The following SLC25A30 variants were observed in gnomAD, a reference collection of about 807,000 sequenced individuals.
SLC25A30 encodes solute carrier family 25 member 30, also known as kidney mitochondrial carrier protein 1.
In SLC25A30, 29 loss-of-function variants were observed where a neutral mutation model predicts 42.7. The observed-to-expected ratio is 0.68, with a 90% confidence interval of 0.51 to 0.93. The LOEUF is 0.93. Ranked by LOEUF, SLC25A30 falls within the 40% of genes least tolerant of loss-of-function variation. The probability of loss-of-function intolerance (pLI) is 0.00; values close to 1 mark genes in which losing one functional copy is unlikely to be tolerated. For synonymous variants in SLC25A30, 124 were observed against 131.0 expected (o/e 0.95, Z 0.37); for missense variants, 300 against 359.7 (o/e 0.83, Z 1.34).
At chr13:45,424,124 T>C in the SLC25A30 span, among the ~76,000 whole-genome samples, 1 of 77,632 alleles carries the variant, frequency 1.3e-5, no homozygotes, top group African/African-American at 5.2e-5. Context: ...TAAATATATA[T>C]AAATATATAA....
chr13:45,423,432 C>A (rs1347317011), upstream of SLC25A30, among the ~76,000 whole-genome samples: 1 of 143,950 alleles, frequency 6.9e-6, no homozygotes, highest in East Asian at 2.0e-4. Context: ...TTTTTATGCC[C>A]AAGGGTTAGC....
Position 45,395,259 on chromosome 13 carries a change from T to A in SLC25A30, c.*715A>T. 5 of 985,632 alleles carry A rather than the reference T, an allele frequency of 5.1e-6. No individual in the cohort carries two copies. Among genetic ancestry groups the A allele is most frequent in the Non-Finnish European group, 6.0e-6 (5 of 830,082 alleles). 61.1% of individuals were successfully genotyped at this position (985,632 alleles called of 1,614,324 possible). On this transcript the variant is annotated 3_prime_UTR_variant, in exon 10 of 10. Coordinates refer to ENST00000519676, the MANE Select transcript of SLC25A30 (RefSeq NM_001010875.4). The stretch of plus-strand genomic sequence containing the variant: ...GACCTAAGACAGAACCTAAGCTGCT[T>A]GAAAACACCCCCCACCAATACAGAC...
chr13:45,406,101 G>C, intron 3 of SLC25A30, 124 bp from the exon 4 acceptor site: 1 of 640,582 alleles, frequency 1.6e-6, no homozygotes, highest in Non-Finnish European at 2.6e-6. Context: ...TTTTTTTTTT[G>C]AGACGGAGTT....
At chr13:45,423,272 T>C (rs995402574), upstream of SLC25A30, among the ~76,000 whole-genome samples, 1 of 151,870 alleles carries the variant, frequency 6.6e-6, no homozygotes, top group Non-Finnish European at 1.5e-5. Flanking sequence ...TAAAAAGTAC[T>C]TCTGCTTCCT....
intron 9 of SLC25A30, chr13:45,396,545 G>A: frequency 5.7e-6 from 1 of 174,436 alleles, no homozygotes; most frequent in Non-Finnish European, 1.2e-5. Flanking sequence ...AGGCCAAGGG[G>A]CAGGTCACTT....
chr13:45,400,396 T>A (rs755377620), intron 7 of SLC25A30, among the ~76,000 whole-genome samples: 1 of 152,112 alleles, frequency 6.6e-6, no homozygotes, highest in Non-Finnish European at 1.5e-5. Context: ...CACTCCAGCC[T>A]GGGTAACAGT....
In SLC25A30 at chr13:45,393,563, C is replaced by T. The variant is rs1566196668; in HGVS notation, c.*2411G>A. The T allele has an allele frequency of 4.1e-6, 4 of 985,168 alleles. No individual in the cohort carries two copies. Among genetic ancestry groups the T allele is most frequent in the Non-Finnish European group, 4.8e-6 (4 of 829,886 alleles). The allele number at this position is 985,168 out of a possible 1,614,324, so 61.0% of individuals were successfully genotyped here. On this transcript the variant is annotated 3_prime_UTR_variant, in exon 10 of 10. Transcript: ENST00000519676. The stretch of plus-strand genomic sequence containing the variant: ...ATCCATAAGCACACAAACAAAAAAA[C>T]CCATTGGTTATAAAAACTAGAATTC...
chr13:45,395,442 C>T lies in SLC25A30; in HGVS notation c.*532G>A. On this transcript the variant is annotated 3_prime_UTR_variant, in exon 10 of 10. Coordinates refer to ENST00000519676, the MANE Select transcript of SLC25A30 (RefSeq NM_001010875.4). ...GGAAATGATAAAGCAGTGTGATATT[C>T]CTAGGATCCATTTCCTGCACCGTTT... 2.0e-6 allele frequency: 2 copies of T among 988,456 alleles called. No homozygotes were observed. The highest frequency in any genetic ancestry group is 2.4e-6 in the Non-Finnish European group (2 of 831,648). 61.2% of individuals were successfully genotyped at this position (988,456 alleles called of 1,614,324 possible). A position where few individuals can be genotyped will look rare whatever the true frequency, so the allele number is the denominator to read the frequency against.
chr13:45,424,503 A>G, the SLC25A30 span, among the ~76,000 whole-genome samples: 1 of 40,304 alleles, frequency 2.5e-5, no homozygotes, highest in South Asian at 5.9e-4. Flanking sequence ...ATAAATATAT[A>G]AAAATATATA....
intron 2 of SLC25A30, among the ~76,000 whole-genome samples, chr13:45,409,583 C>T (rs530152602): frequency 5.3e-5 from 8 of 152,074 alleles, no homozygotes; most frequent in Non-Finnish European, 8.8e-5. Flanking sequence ...CTGAGGTGGG[C>T]GGATCACCTG....
At chr13:45,426,358 T>C in the SLC25A30 span, among the ~76,000 whole-genome samples, 1 of 152,182 alleles carries the variant, frequency 6.6e-6, no homozygotes, top group Non-Finnish European at 1.5e-5. Flanking sequence ...GTGCTGGGAT[T>C]ACAGGCATGA....
intron 8 of SLC25A30, chr13:45,398,145 C>A: frequency 1.5e-6 from 1 of 673,776 alleles, no homozygotes; most frequent in Non-Finnish European, 1.8e-6. Flanking sequence ...AAAGAAATCA[C>A]GTTCTTTGCA....
intron 9 of SLC25A30, chr13:45,396,235 G>A: frequency 7.1e-7 from 1 of 1,409,450 alleles, no homozygotes; most frequent in Non-Finnish European, 9.2e-7. Flanking sequence ...TAAATCCCCT[G>A]GTATCAGCCT....
chr13:45,431,126 C>A, the SLC25A30 span, among the ~76,000 whole-genome samples: 1 of 152,164 alleles, frequency 6.6e-6, no homozygotes, highest in Non-Finnish European at 1.5e-5. Flanking sequence ...TGGCTCACCG[C>A]AACCTCTGCC....
chr13:45,394,897 C>T lies in SLC25A30; in HGVS notation c.*1077G>A, dbSNP rs895992559. 29 of 985,274 alleles carry T rather than the reference C, an allele frequency of 2.9e-5. No homozygotes were observed. The highest frequency in any genetic ancestry group is 3.4e-5 in the Non-Finnish European group (28 of 829,914). The allele number at this position is 985,274 out of a possible 1,614,324, so 61.0% of individuals were successfully genotyped here. On this transcript the variant is annotated 3_prime_UTR_variant, in exon 10 of 10. Coordinates refer to ENST00000519676, the MANE Select transcript of SLC25A30 (RefSeq NM_001010875.4). ...ATAAACTAAAGTAAAAACTGGAAAC[C>T]TGGAAAAATCAACTCTTTGATTCAC...
the SLC25A30 span, among the ~76,000 whole-genome samples, chr13:45,432,140 C>T: frequency 1.3e-5 from 2 of 151,670 alleles, no homozygotes; most frequent in South Asian, 2.1e-4. Context: ...CATGGTAGTG[C>T]GCACCTGTAA....
At chr13:45,429,511 G>T in the SLC25A30 span, among the ~76,000 whole-genome samples, 1 of 152,014 alleles carries the variant, frequency 6.6e-6, no homozygotes, top group Admixed American at 6.6e-5. Context: ...ATGGGGAAAG[G>T]AATTCTCAAG....
At chr13:45,396,170 C>A in intron 9 of SLC25A30, 155 bp from the exon 10 acceptor site, 1 of 1,514,644 alleles carries the variant, frequency 6.6e-7, no homozygotes, top group Non-Finnish European at 8.8e-7. Context: ...CCCTTAACCA[C>A]ATCAAACTAT....
the SLC25A30 span, among the ~76,000 whole-genome samples, chr13:45,425,367 TAA>T: frequency 1.8e-5 from 2 of 110,238 alleles, no homozygotes; most frequent in African/African-American, 7.4e-5. Context: ...AGTATATGTA[TAA>T]AAATATATAA....
Sources: gnomAD v4.1 joint callset for allele counts (sites outside exome capture counted in the v4.1 genomes callset) on GRCh38, gnomAD v4.1.1 for gene constraint, MANE v1.5 for transcripts, NCBI Gene and HGNC (gene_info 2026-07-23, HGNC 2026-07-21) for gene names.